LTF: variants seen among roughly 807,000 people sequenced by gnomAD.
LTF encodes epididymis luminal protein 110.
LTF carries 91 observed loss-of-function variants against 87.2 expected under a neutral mutation model. The ratio of observed to expected loss-of-function variants is 1.04; its 90% CI spans 0.88 to 1.24. The LOEUF (loss-of-function observed/expected upper bound fraction) is 1.24, where lower values mean the gene tolerates loss of function less well. Among genes scored for constraint, LTF ranks in the 50% most tolerant of loss-of-function variants. LTF has a pLI of 0.00. For synonymous variants in LTF, 378 were observed against 356.1 expected, an observed-to-expected ratio of 1.06 and a Z score of -0.69; for missense variants, 901 against 904.3, an observed-to-expected ratio of 1.00 and a Z score of 0.05.
intron 12 of LTF, among the ~76,000 whole-genome samples, chr3:46,445,045 T>C (rs1702613012): frequency 6.6e-6 from 1 of 152,188 alleles, no homozygotes. Flanking sequence ...TAGGCAGATA[T>C]TCCAATCTTT....
chr3:46,448,942 T>G lies in LTF; in HGVS notation c.1133A>C (p.Asn378Thr). The change falls in exon 9 of 17, where the codon AAC becomes ACC. Residue 378 changes from asparagine (N) to threonine (T), a missense_variant. Coordinates refer to ENST00000231751, the MANE Select transcript of LTF (RefSeq NM_002343.6). ...AVGEQELRKC[N>T]QWSGLSEGSV... ...GCCTTCGCTCAAGCCACTCCACTGG[T>G]TACACTTGCGCAGCTCCTGCTCGCC... 6.2e-7 allele frequency: 1 copy of G among 1,613,652 alleles called. No homozygotes were observed. Among genetic ancestry groups the G allele is most frequent in the Non-Finnish European group, 8.5e-7 (1 of 1,179,880 alleles).
intron 12 of LTF, among the ~76,000 whole-genome samples, chr3:46,444,843 T>C (rs1183866698): frequency 6.6e-6 from 1 of 152,206 alleles, no homozygotes; most frequent in Non-Finnish European, 1.5e-5. Flanking sequence ...TGAGGTCTTA[T>C]TCAGGCTCCG....
intron 1 of LTF, among the ~76,000 whole-genome samples, chr3:46,482,663 G>A (rs57636112): frequency 0.2 from 5,046 of 25,832 alleles, 358 homozygotes; most frequent in South Asian, 0.27. Context: ...AAAGAAAGAA[G>A]GAAGGAAGGA....
chr3:46,454,092 G>A (rs1030350398), intron 6 of LTF: 13 of 574,318 alleles, frequency 2.3e-5, no homozygotes, highest in African/African-American at 3.7e-5. Context: ...AGGCATGGGT[G>A]TCTATGAGGG....
Position 46,482,609 on chromosome 3 carries a change from G to GAAGAAAGAAAGAAAGAAAGAAAGA in LTF, c.-320+2353_-320+2376dup, listed in dbSNP as rs1179613670. ...GGAGAAAGAGAGAGAAAGAAAGAAA[G>GAAGAAAGAAAGAAAGAAAGAAAGA]AAGAAAGAAAGAAAGAAAGAAAGAA... On this transcript the variant is annotated intron_variant, in intron 1 of 19. Coordinates refer to the LTF transcript ENST00000443496. 8.8e-5 allele frequency among the ~76,000 whole-genome samples: 5 copies of GAAGAAAGAAAGAAAGAAAGAAAGA among 56,944 alleles called. 1 individual carries two copies. Among genetic ancestry groups the GAAGAAAGAAAGAAAGAAAGAAAGA allele is most frequent in the African/African-American group, 1.5e-4 (2 of 13,074 alleles). 37.4% of individuals were successfully genotyped at this position (56,944 alleles called of 152,430 possible).
chr3:46,483,768 T>G (rs1048842919), intron 1 of LTF, among the ~76,000 whole-genome samples: 1 of 152,316 alleles, frequency 6.6e-6, no homozygotes, highest in East Asian at 1.9e-4. Context: ...TGTTTCTATA[T>G]GTAGGTTAGG....
chr3:46,479,255 C>G (rs2106927249), intron 1 of LTF, among the ~76,000 whole-genome samples: 1 of 152,354 alleles, frequency 6.6e-6, no homozygotes, highest in South Asian at 2.1e-4. Context: ...ATAGCCCCCT[C>G]TCTCCCACCC....
At chr3:46,474,462 A>G (rs956249124) in intron 1 of LTF, among the ~76,000 whole-genome samples, 1 of 152,236 alleles carries the variant, frequency 6.6e-6, no homozygotes, top group Non-Finnish European at 1.5e-5. Flanking sequence ...TACATGAAGA[A>G]AAATCTGATA....
intron 1 of LTF, among the ~76,000 whole-genome samples, chr3:46,482,556 AAGG>A (rs1703449603): frequency 9.2e-6 from 1 of 108,560 alleles, no homozygotes; most frequent in African/African-American, 4.7e-5. Context: ...AAGGGAAGGG[AAGG>A]GAAGGGAAGG....
intron 1 of LTF, among the ~76,000 whole-genome samples, chr3:46,473,828 A>T (rs1703323850): frequency 6.6e-6 from 1 of 152,210 alleles, no homozygotes; most frequent in Non-Finnish European, 1.5e-5. Flanking sequence ...TTAAGCTAAC[A>T]TATTTACAGA....
At chr3:46,450,700 G>A (rs762796806) in intron 6 of LTF, 27 bp from the exon 7 acceptor site, 1 of 1,593,780 alleles carries the variant, frequency 6.3e-7, no homozygotes, top group East Asian at 2.3e-5. Flanking sequence ...GTGGGAGGGA[G>A]TCTAGATAAG....
chr3:46,464,950 C>T (rs1703178065), upstream of LTF: 2 of 1,419,256 alleles, frequency 1.4e-6, no homozygotes, highest in Non-Finnish European at 2.0e-6. Context: ...GGCTTTGCCC[C>T]GCCCTGTTGC....
At chr3:46,444,824 C>G (rs1702606591) in intron 12 of LTF, among the ~76,000 whole-genome samples, 1 of 152,120 alleles carries the variant, frequency 6.6e-6, no homozygotes, top group Non-Finnish European at 1.5e-5. Context: ...GCAGGTGGAG[C>G]CAGGCTCTTG....
At chr3:46,458,294 C>T (rs1232843373) in intron 2 of LTF, among the ~76,000 whole-genome samples, 2 of 152,162 alleles carry the variant, frequency 1.3e-5, no homozygotes, top group Non-Finnish European at 2.9e-5. Context: ...AGTTAACCTG[C>T]CCCCTAGTTT....
rs1703274092 is a variant in LTF, at chr3:46,470,927, C to T, written c.-319-461G>A. 2.0e-5 allele frequency among the ~76,000 whole-genome samples: 3 copies of T among 152,208 alleles called. No individual in the cohort carries two copies. The South Asian group carries it at 6.2e-4, about 31-fold the overall frequency. ...TTGTGCAGTGCTCAGTACAGACAAG[C>T]TGTCATTGATATTTGCAGACATTCA... On this transcript the variant is annotated intron_variant, in intron 1 of 19. Transcript: ENST00000443496.
intron 11 of LTF, 101 bp downstream of exon 11, chr3:46,446,339 T>C (rs1216819833): frequency 2.2e-6 from 2 of 909,084 alleles, no homozygotes; most frequent in African/African-American, 3.3e-5. Flanking sequence ...CTATAGCTTC[T>C]AGGGCTGCAA....
In LTF at chr3:46,459,821, T is replaced by G; in HGVS notation, c.44-2A>C. 6.5e-7 allele frequency: 1 copy of G among 1,534,220 alleles called. No homozygotes were observed. Among genetic ancestry groups the G allele is most frequent in the Non-Finnish European group, 8.7e-7 (1 of 1,146,640 alleles). ...TCCTACGGCCAGCCAGACACAGTCC[T>G]GGGAGAGAGGGGCCAAGGAGTAAGG... On this transcript the variant is annotated splice_acceptor_variant, in intron 1 of 16. Transcript: ENST00000231751. LOFTEE classifies it high-confidence loss of function.
intron 1 of LTF, among the ~76,000 whole-genome samples, chr3:46,472,510 G>GTA (rs1391056311): frequency 1.3e-5 from 2 of 150,032 alleles, no homozygotes; most frequent in African/African-American, 4.9e-5. Context: ...GTGTGTGTGT[G>GTA]TGTGTGTGTG....
At chr3:46,468,631 CA>C (rs1275029622), upstream of LTF, among the ~76,000 whole-genome samples, 1 of 152,200 alleles carries the variant, frequency 6.6e-6, no homozygotes, top group Non-Finnish European at 1.5e-5. Context: ...CTTCAAACCC[CA>C]AGAAGAGTGT....
Sources: gnomAD v4.1 joint callset for allele counts (sites outside exome capture counted in the v4.1 genomes callset) on GRCh38, gnomAD v4.1.1 for gene constraint, MANE v1.5 for transcripts, NCBI Gene and HGNC (gene_info 2026-07-23, HGNC 2026-07-21) for gene names.